ROBO2: variants seen among roughly 807,000 people sequenced by gnomAD.
ROBO2 encodes roundabout homolog 2.
ROBO2 carries 53 observed loss-of-function variants against 160.8 expected under a neutral mutation model. The ratio of observed to expected loss-of-function variants is 0.33; its 90% CI spans 0.26 to 0.41. The LOEUF (loss-of-function observed/expected upper bound fraction) is 0.41, where lower values mean the gene tolerates loss of function less well. Among genes scored for constraint, ROBO2 ranks in the 10% least tolerant of loss-of-function variants. ROBO2 has a pLI of 1.00. For synonymous variants in ROBO2, 664 were observed against 611.7 expected (o/e 1.09, Z -1.26); for missense variants, 1,577 against 1,722.4 (o/e 0.92, Z 1.49).
chr3:76,055,899 C>A (rs569351244), intron 2 of ROBO2, among the ~76,000 whole-genome samples: 1 of 152,118 alleles, frequency 6.6e-6, no homozygotes, highest in African/African-American at 2.4e-5. Context: ...GCTGGGACTA[C>A]AGGCATGCAC....
rs777605308 is a variant in ROBO2, at chr3:76,103,803, G to A, written c.109+166201G>A. 1.8e-4 allele frequency among the ~76,000 whole-genome samples: 27 copies of A among 152,178 alleles called. 2 individuals carry two copies. The highest frequency in any genetic ancestry group is 1.2e-3 in the Admixed American group (18 of 15,266). On this transcript the variant is annotated intron_variant, in intron 2 of 26. Coordinates refer to the ROBO2 transcript ENST00000487694. ...CCATTATCACTTTATTCTAGGCTCC[G>A]GCTAGGTGAAGTCAATTTGTCCCTT...
chr3:77,588,856 G>C, exon 17 of ROBO2: 1 of 1,613,664 alleles, frequency 6.2e-7, no homozygotes, highest in Non-Finnish European at 8.5e-7. Context: ...GGTGGTGCCT[G>C]CTGGGTAATT....
intron 2 of ROBO2, among the ~76,000 whole-genome samples, chr3:76,488,922 A>G (rs1012327726): frequency 1.3e-5 from 2 of 151,730 alleles, no homozygotes; most frequent in African/African-American, 4.8e-5. Flanking sequence ...ATTTTTGTGC[A>G]GTTCTTACTT....
intron 2 of ROBO2, among the ~76,000 whole-genome samples, chr3:76,000,499 T>A (rs977951935): frequency 6.6e-6 from 1 of 150,872 alleles, no homozygotes; most frequent in African/African-American, 2.4e-5. Context: ...ATTTTTTTTT[T>A]TTTTTTTTTG....
intron 2 of ROBO2, among the ~76,000 whole-genome samples, chr3:76,625,852 T>A (rs533089588): frequency 4.6e-5 from 7 of 152,276 alleles, no homozygotes; most frequent in Non-Finnish European, 1.0e-4. Context: ...CTGAGAGATT[T>A]TAACAGATGA....
chr3:75,955,493 G>A (rs550127921), intron 2 of ROBO2, among the ~76,000 whole-genome samples: 2 of 151,506 alleles, frequency 1.3e-5, no homozygotes, highest in African/African-American at 4.8e-5. Context: ...TAATGTTTAG[G>A]GGGGAGGGGA....
chr3:76,075,526 T>G (rs1221166047), intron 2 of ROBO2, among the ~76,000 whole-genome samples: 1 of 149,352 alleles, frequency 6.7e-6, no homozygotes, highest in Non-Finnish European at 1.5e-5. Flanking sequence ...TCAAAAAGCA[T>G]AGATGTGCTA....
chr3:77,187,639 G>T (rs1420259720), intron 2 of ROBO2, among the ~76,000 whole-genome samples: 2 of 151,764 alleles, frequency 1.3e-5, no homozygotes, highest in Non-Finnish European at 2.9e-5. Flanking sequence ...AGTATTTTTT[G>T]AAAAGACTTT....
intron 2 of ROBO2, among the ~76,000 whole-genome samples, chr3:77,308,185 G>A (rs552851624): frequency 1.7e-4 from 25 of 150,192 alleles, no homozygotes; most frequent in Non-Finnish European, 3.4e-4. Flanking sequence ...TTAATTTTAA[G>A]ATTTTTGGAA....
At chr3:76,626,002 G>A (rs1373292278) in intron 2 of ROBO2, among the ~76,000 whole-genome samples, 1 of 152,190 alleles carries the variant, frequency 6.6e-6, no homozygotes, top group African/African-American at 2.4e-5. Flanking sequence ...AGCCCAGTGT[G>A]GGAGTAGCAG....
intron 2 of ROBO2, among the ~76,000 whole-genome samples, chr3:76,239,613 A>C (rs751141698): frequency 6.6e-6 from 1 of 152,190 alleles, no homozygotes; most frequent in Non-Finnish European, 1.5e-5. Context: ...TCATTTGAGT[A>C]CTAATGAGAA....
chr3:77,047,630 A>T (rs1338024050), intron 1 of ROBO2, among the ~76,000 whole-genome samples: 3 of 151,306 alleles, frequency 2.0e-5, no homozygotes, highest in Non-Finnish European at 4.4e-5. Flanking sequence ...TGGAGGTTGC[A>T]GTGCCAAAAT....
At chr3:75,944,325 A>C (rs1330071572) in intron 2 of ROBO2, among the ~76,000 whole-genome samples, 3 of 152,188 alleles carry the variant, frequency 2.0e-5, no homozygotes, top group Non-Finnish European at 4.4e-5. Flanking sequence ...TGGATGGCAC[A>C]GATCTTGGCA....
intron 2 of ROBO2, among the ~76,000 whole-genome samples, chr3:77,297,036 A>T (rs2062206920): frequency 6.7e-6 from 1 of 149,250 alleles, no homozygotes; most frequent in Non-Finnish European, 1.5e-5. Context: ...AGAAACTAAA[A>T]ATTTTTTTTT....
intron 6 of ROBO2, among the ~76,000 whole-genome samples, chr3:77,535,944 T>C (rs1219880496): frequency 6.6e-6 from 1 of 152,210 alleles, no homozygotes; most frequent in Non-Finnish European, 1.5e-5. Context: ...TAAAATTACC[T>C]GCAAATGTAC....
chr3:77,265,262 G>C (rs2059050701), intron 2 of ROBO2, among the ~76,000 whole-genome samples: 9 of 152,112 alleles, frequency 5.9e-5, no homozygotes, highest in Admixed American at 5.9e-4. Flanking sequence ...CTATGTCAGA[G>C]GCAGGAGTAG....
chr3:76,335,616 C>T (rs570724125), intron 2 of ROBO2, among the ~76,000 whole-genome samples: 11 of 148,646 alleles, frequency 7.4e-5, no homozygotes, highest in African/African-American at 2.0e-4. Flanking sequence ...CTCGCTCTGT[C>T]GCCCAGGCTG....
At position 77,260,402 on chromosome 3, in the gene ROBO2, A is replaced by T. The variant is rs148758008; in HGVS notation, c.388+162062A>T. On this transcript the variant is annotated intron_variant, in intron 2 of 25. Transcript: ENST00000461745. ...AGTATTTTAATTCCTAGGGAAACTTAAAAAAATAGTTTATTTTTAGCAATC... is the reference window on the plus strand; with the variant it reads ...AGTATTTTAATTCCTAGGGAAACTTTAAAAAATAGTTTATTTTTAGCAATC... Among the ~76,000 whole-genome samples, 481 of 152,250 alleles carry T rather than the reference A, an allele frequency of 3.2e-3. 14 individuals are homozygous for T. The East Asian group carries it at 0.078, about 25-fold the overall frequency.
chr3:77,541,911 G>T (rs59833531), intron 6 of ROBO2, among the ~76,000 whole-genome samples: 6,407 of 152,074 alleles, frequency 0.042, 479 homozygotes, highest in African/African-American at 0.15. Flanking sequence ...TTGGGTTTAA[G>T]CATGTGTTTG....
Sources: gnomAD v4.1 joint callset for allele counts (sites outside exome capture counted in the v4.1 genomes callset) on GRCh38, gnomAD v4.1.1 for gene constraint, MANE v1.5 for transcripts, NCBI Gene and HGNC (gene_info 2026-07-23, HGNC 2026-07-21) for gene names.